Variants in AGBL1 observed in about 807,000 individuals in gnomAD.
AGBL1 encodes cytosolic carboxypeptidase 4.
AGBL1 carries 130 observed loss-of-function variants against 118.9 expected under a neutral mutation model. The ratio of observed to expected loss-of-function variants is 1.09; its 90% CI spans 0.95 to 1.26. The LOEUF (loss-of-function observed/expected upper bound fraction) is 1.26. Among genes scored for constraint, AGBL1 ranks in the 50% most tolerant of loss-of-function variants. The probability of loss-of-function intolerance (pLI) is 0.00; values close to 1 mark genes in which losing one functional copy is unlikely to be tolerated. For synonymous variants in AGBL1, 555 were observed against 478.9 expected (o/e 1.16, Z -2.08); for missense variants, 1,584 against 1,298.1 (o/e 1.22, Z -3.38).
At chr15:86,551,051 A>G (rs1314149014) in intron 20 of AGBL1, among the ~76,000 whole-genome samples, 3 of 152,096 alleles carry the variant, frequency 2.0e-5, no homozygotes, top group Non-Finnish European at 4.4e-5. Context: ...TTAAAACTCA[A>G]TATGTGAAAA....
In AGBL1 at chr15:86,237,834, A is replaced by T. The variant is rs114237330; in HGVS notation, c.527-9837A>T. On this transcript the variant is annotated intron_variant, in intron 6 of 22. Coordinates refer to ENST00000614907, the MANE Select transcript of AGBL1 (RefSeq NM_001386094.1). The stretch of plus-strand genomic sequence containing the variant: ...GCACAACCTGTTGGGATGAGTCTCA[A>T]AATGGTGGGGGGTCACACATCCTGA... Among the ~76,000 whole-genome samples, 1,373 of 152,268 alleles carry T rather than the reference A, an allele frequency of 9.0e-3. 19 individuals carry two copies. Among genetic ancestry groups the T allele is most frequent in the African/African-American group, 0.032 (1,311 of 41,546 alleles).
At position 86,735,806 on chromosome 15, in the gene AGBL1, T is replaced by C. The variant is rs183605743; in HGVS notation, c.3158+61370T>C. On this transcript the variant is annotated intron_variant, in intron 22 of 22. Coordinates refer to ENST00000614907, the MANE Select transcript of AGBL1 (RefSeq NM_001386094.1). ...TTAAAATGTACATAGGCGTGACTCA[T>C]GGCCTGGCATGTAGCAAGCGCTCTG... Among the ~76,000 whole-genome samples, 299 of 152,296 alleles carry C rather than the reference T, an allele frequency of 2.0e-3. 2 individuals carry two copies. The highest frequency in any genetic ancestry group is 6.9e-3 in the African/African-American group (288 of 41,564).
intron 22 of AGBL1, among the ~76,000 whole-genome samples, chr15:86,735,124 T>C (rs1169702963): frequency 6.6e-6 from 1 of 152,056 alleles, no homozygotes; most frequent in African/African-American, 2.4e-5. Context: ...TCTTGTCACG[T>C]AGGCTGGAGT....
intron 21 of AGBL1, among the ~76,000 whole-genome samples, chr15:86,672,898 CTT>C (rs1301389099): frequency 1.3e-5 from 2 of 152,054 alleles, no homozygotes; most frequent in Non-Finnish European, 2.9e-5. Flanking sequence ...CTGAAATAAA[CTT>C]GAGGATTTTC....
At chr15:86,411,244 G>C (rs2081615518) in intron 18 of AGBL1, among the ~76,000 whole-genome samples, 1 of 151,840 alleles carries the variant, frequency 6.6e-6, no homozygotes, top group Non-Finnish European at 1.5e-5. Context: ...GTGGTGCATG[G>C]AGTCTGTCTT....
intron 1 of AGBL1, among the ~76,000 whole-genome samples, chr15:86,126,358 T>G (rs541188603): frequency 6.6e-6 from 1 of 152,358 alleles, no homozygotes; most frequent in East Asian, 1.9e-4. Context: ...GAACCTGGTA[T>G]AAAATTATTG....
chr15:86,487,522 T>C (rs1221454573), intron 18 of AGBL1, among the ~76,000 whole-genome samples: 2 of 151,884 alleles, frequency 1.3e-5, no homozygotes, highest in Admixed American at 6.6e-5. Flanking sequence ...GAAATGCAGA[T>C]ACTTCTGGTA....
At chr15:86,127,945 A>G (rs1158185339) in intron 1 of AGBL1, among the ~76,000 whole-genome samples, 2 of 152,156 alleles carry the variant, frequency 1.3e-5, no homozygotes, top group Non-Finnish European at 2.9e-5. Flanking sequence ...TCAATTAAGA[A>G]TATCTCTTTA....
At position 86,178,613 on chromosome 15, in the gene AGBL1, G is replaced by A. The variant is rs371349030; in HGVS notation, c.488+19587G>A. On this transcript the variant is annotated intron_variant, in intron 5 of 22. Transcript: ENST00000614907. ...GGTTAAATTATCCCCACAAAGAAAAGTCTAGGTTTAGATAAGTTCCCTGGC... is the reference window on the plus strand; with the variant it reads ...GGTTAAATTATCCCCACAAAGAAAAATCTAGGTTTAGATAAGTTCCCTGGC... 7.9e-5 allele frequency among the ~76,000 whole-genome samples: 12 copies of A among 152,204 alleles called. 1 individual carries two copies. In the South Asian group the frequency reaches 2.5e-3, roughly 32 times the overall value.
At chr15:86,530,176 G>T (rs934478270) in intron 19 of AGBL1, among the ~76,000 whole-genome samples, 1 of 141,924 alleles carries the variant, frequency 7.0e-6, no homozygotes, top group Non-Finnish European at 1.5e-5. Flanking sequence ...GTTGGATAAA[G>T]AGTCAAGACC....
Position 86,721,531 on chromosome 15 carries a change from A to C in AGBL1, c.3158+47095A>C, listed in dbSNP as rs576177969. ...AATAAGAGCTATCTATATCTATGAC[A>C]AACCCACAGCCAATATCATACTGAA... On this transcript the variant is annotated intron_variant, in intron 22 of 22. Transcript: ENST00000614907. 4.6e-5 allele frequency among the ~76,000 whole-genome samples: 7 copies of C among 152,332 alleles called. No individual in the cohort carries two copies. In the South Asian group the frequency reaches 1.5e-3, roughly 32 times the overall value.
intron 21 of AGBL1, among the ~76,000 whole-genome samples, chr15:86,594,193 G>A (rs2084376518): frequency 6.6e-6 from 1 of 152,082 alleles, no homozygotes; most frequent in Non-Finnish European, 1.5e-5. Flanking sequence ...TTACAGGAGT[G>A]AGCCACTGCG....
chr15:86,702,561 A>G (rs1036591775), intron 22 of AGBL1, among the ~76,000 whole-genome samples: 1 of 151,928 alleles, frequency 6.6e-6, no homozygotes, highest in Non-Finnish European at 1.5e-5. Flanking sequence ...CTGCAGCATC[A>G]CTCCATAGGA....
chr15:86,246,118 C>A (rs1445969661), intron 6 of AGBL1, among the ~76,000 whole-genome samples: 1 of 152,192 alleles, frequency 6.6e-6, no homozygotes, highest in Non-Finnish European at 1.5e-5. Flanking sequence ...CTCCTGGCCT[C>A]AAGCCGTCCT....
rs760103244 is a variant in AGBL1, at chr15:86,908,939, C to G, written c.*1645C>G. On this transcript the variant is annotated 3_prime_UTR_variant, in exon 23 of 23. Transcript: ENST00000614907. The stretch of plus-strand genomic sequence containing the variant: ...GAATTTTACACACTGGAAGACCAGT[C>G]CTAGTGTCATGGCTGCATGGTGTCA... The G allele has an allele frequency of 6.6e-6, 1 of 152,164 alleles. No homozygotes were observed. Among genetic ancestry groups the G allele is most frequent in the Non-Finnish European group, 1.5e-5 (1 of 68,048 alleles). 9.4% of individuals were successfully genotyped at this position (152,164 alleles called of 1,614,324 possible). A position where few individuals can be genotyped will look rare whatever the true frequency, so the allele number is the denominator to read the frequency against.
At chr15:87,021,667 C>G (rs1594754) in intron 24 of AGBL1, among the ~76,000 whole-genome samples, 58,376 of 151,972 alleles carry the variant, frequency 0.38, 11,737 homozygotes, top group East Asian at 0.51. Context: ...CATACAACCC[C>G]ATTAAAACGT....
intron 22 of AGBL1, among the ~76,000 whole-genome samples, chr15:86,730,494 T>A (rs1268895542): frequency 6.6e-6 from 1 of 152,212 alleles, no homozygotes; most frequent in Non-Finnish European, 1.5e-5. Context: ...AACATTTTAT[T>A]TTAGGTCCGT....
chr15:86,713,343 C>T (rs547176586), intron 22 of AGBL1, among the ~76,000 whole-genome samples: 2 of 152,114 alleles, frequency 1.3e-5, no homozygotes, highest in Non-Finnish European at 2.9e-5. Context: ...TGTTATGAAG[C>T]GTTGCTGTGG....
At chr15:86,200,265 A>T (rs1013968192) in intron 5 of AGBL1, among the ~76,000 whole-genome samples, 15 of 152,364 alleles carry the variant, frequency 9.8e-5, no homozygotes, top group Middle Eastern at 3.4e-3. Flanking sequence ...AAGAAAAAGA[A>T]CCAGTGTCAT....
Sources: allele counts gnomAD v4.1 joint callset (sites outside exome capture counted in the v4.1 genomes callset), GRCh38; gene constraint gnomAD v4.1.1; transcripts MANE v1.5; gene names NCBI Gene and HGNC (gene_info 2026-07-23, HGNC 2026-07-21).